Variants in FAM13A observed in about 807,000 individuals in gnomAD.
FAM13A encodes protein FAM13A.
In FAM13A, 76 loss-of-function variants were observed where a neutral mutation model predicts 129.6. The ratio of observed to expected loss-of-function variants is 0.59; its 90% CI spans 0.49 to 0.71. The LOEUF (loss-of-function observed/expected upper bound fraction) is 0.71. FAM13A is among the 30% of genes least tolerant of loss of function. The pLI is 0.00. For synonymous variants in FAM13A, 443 were observed against 449.9 expected, an observed-to-expected ratio of 0.98 and a Z score of 0.20; for missense variants, 1,108 against 1,249.3, an observed-to-expected ratio of 0.89 and a Z score of 1.70.
chr4:88,740,474 G>A (rs1201239784), intron 19 of FAM13A, among the ~76,000 whole-genome samples: 1 of 152,214 alleles, frequency 6.6e-6, no homozygotes. Flanking sequence ...ATAAATAGGT[G>A]TGCCTGATTC....
chr4:89,046,450 A>C (rs912065484), intron 1 of FAM13A, among the ~76,000 whole-genome samples: 1 of 137,384 alleles, frequency 7.3e-6, no homozygotes, highest in Non-Finnish European at 1.6e-5. Context: ...CTATTGATGG[A>C]ATAGATTTTC....
chr4:88,949,197 C>T (rs1756500516), intron 4 of FAM13A, among the ~76,000 whole-genome samples: 1 of 152,044 alleles, frequency 6.6e-6, no homozygotes, highest in Admixed American at 6.6e-5. Flanking sequence ...TAAAAAAAGC[C>T]TAATAAGTAA....
intron 4 of FAM13A, among the ~76,000 whole-genome samples, chr4:88,958,653 G>A (rs1390602416): frequency 6.6e-6 from 1 of 152,218 alleles, no homozygotes; most frequent in Non-Finnish European, 1.5e-5. Flanking sequence ...CAGGGGTTGA[G>A]CCCTCAGAGA....
chr4:88,857,481 TA>T (rs966733681), intron 6 of FAM13A, among the ~76,000 whole-genome samples: 9 of 151,724 alleles, frequency 5.9e-5, no homozygotes, highest in Admixed American at 1.3e-4. Flanking sequence ...TAAAAAAAAT[TA>T]GCCAGGCATG....
intron 1 of FAM13A, among the ~76,000 whole-genome samples, chr4:89,032,319 A>G: frequency 6.6e-6 from 1 of 152,152 alleles, no homozygotes; most frequent in African/African-American, 2.4e-5. Context: ...TTGCATATAA[A>G]TTCCCATGCA....
intron 12 of FAM13A, 45 bp from the exon 13 acceptor site, chr4:88,767,640 G>T: frequency 7.1e-7 from 1 of 1,413,948 alleles, no homozygotes. Flanking sequence ...ATATCTACTT[G>T]TTTTATAACG....
intron 1 of FAM13A, among the ~76,000 whole-genome samples, chr4:89,046,964 G>C (rs1770937170): frequency 6.6e-6 from 1 of 152,172 alleles, no homozygotes; most frequent in Non-Finnish European, 1.5e-5. Context: ...TTGGAAAGAA[G>C]TATAGGTGGG....
intron 14 of FAM13A, among the ~76,000 whole-genome samples, chr4:88,756,505 G>A (rs971179481): frequency 1.3e-5 from 2 of 152,200 alleles, no homozygotes; most frequent in Non-Finnish European, 2.9e-5. Context: ...ATGGTATGGG[G>A]ATGGGAAGGA....
intron 4 of FAM13A, among the ~76,000 whole-genome samples, chr4:88,958,726 A>C (rs1758155894): frequency 6.6e-6 from 1 of 152,192 alleles, no homozygotes; most frequent in Non-Finnish European, 1.5e-5. Context: ...CAGAGTCCCC[A>C]CTAGGGCACT....
At position 88,996,412 on chromosome 4, in the gene FAM13A, CGGGAT is replaced by C. The variant is rs1165625813; in HGVS notation, c.428-5267_428-5263del. Among the ~76,000 whole-genome samples the C allele has an allele frequency of 2.6e-5, 4 of 152,094 alleles. No homozygotes were observed. The South Asian group carries it at 6.2e-4, about 24-fold the overall frequency. On this transcript the variant is annotated intron_variant, in intron 3 of 23. Coordinates refer to ENST00000264344, the MANE Select transcript of FAM13A (RefSeq NM_014883.4). ...GGGGCCTGGATCAGGCTGATGCTGA[CGGGAT>C]GGTTAGACGTGGGGGCGGATTCAGA...
intron 9 of FAM13A, among the ~76,000 whole-genome samples, chr4:88,788,611 G>A (rs1724464283): frequency 6.6e-6 from 1 of 152,094 alleles, no homozygotes; most frequent in Non-Finnish European, 1.5e-5. Context: ...AAACACATAA[G>A]CACAAAGTGC....
chr4:88,747,907 T>A, intron 17 of FAM13A, 56 bp from the exon 18 acceptor site: 5 of 1,278,620 alleles, frequency 3.9e-6, no homozygotes, highest in South Asian at 1.3e-5. Context: ...TTATTTATTT[T>A]GAGATGGAGT....
intron 8 of FAM13A, among the ~76,000 whole-genome samples, chr4:88,797,318 G>A (rs574351727): frequency 3.4e-4 from 52 of 151,310 alleles, no homozygotes; most frequent in African/African-American, 1.0e-3. Context: ...ACCCAGGCTG[G>A]AGGGAGTACA....
intron 5 of FAM13A, among the ~76,000 whole-genome samples, chr4:88,912,088 T>C (rs569259663): frequency 1.3e-5 from 2 of 152,356 alleles, no homozygotes; most frequent in Non-Finnish European, 2.9e-5. Flanking sequence ...CACTGGTAGG[T>C]GGCTTTTGAT....
chr4:88,753,425 T>C (rs555753616), intron 14 of FAM13A, among the ~76,000 whole-genome samples: 1 of 152,226 alleles, frequency 6.6e-6, no homozygotes, highest in South Asian at 2.1e-4. Context: ...TCTCCCATGG[T>C]ATACACGAAA....
At chr4:88,995,763 C>T (rs1411002177) in intron 3 of FAM13A, among the ~76,000 whole-genome samples, 1 of 152,110 alleles carries the variant, frequency 6.6e-6, no homozygotes, top group Non-Finnish European at 1.5e-5. Flanking sequence ...AAGCCAAATA[C>T]CCATCTATTC....
intron 6 of FAM13A, among the ~76,000 whole-genome samples, chr4:88,900,368 A>G (rs1419243629): frequency 6.6e-6 from 1 of 152,080 alleles, no homozygotes; most frequent in African/African-American, 2.4e-5. Context: ...GGGCAAAATG[A>G]AAGAAAAAAT....
intron 5 of FAM13A, among the ~76,000 whole-genome samples, chr4:88,907,531 C>T (rs549991073): frequency 6.6e-6 from 1 of 152,294 alleles, no homozygotes; most frequent in East Asian, 1.9e-4. Flanking sequence ...AACAACACTA[C>T]TTATTATTAA....
intron 3 of FAM13A, among the ~76,000 whole-genome samples, chr4:88,999,891 T>C (rs1764021617): frequency 6.6e-6 from 1 of 152,234 alleles, no homozygotes; most frequent in Non-Finnish European, 1.5e-5. Flanking sequence ...TTTAACCAAA[T>C]TTTTAATATT....
Sources: gnomAD v4.1 joint callset for allele counts (sites outside exome capture counted in the v4.1 genomes callset) on GRCh38, gnomAD v4.1.1 for gene constraint, MANE v1.5 for transcripts, NCBI Gene and HGNC (gene_info 2026-07-23, HGNC 2026-07-21) for gene names.